Variants in TRAPPC9 observed in about 807,000 individuals in gnomAD.
The protein encoded by TRAPPC9 is IKK2 binding protein.
In TRAPPC9, 83 loss-of-function variants were observed where a neutral mutation model predicts 124.0. The ratio of observed to expected loss-of-function variants is 0.67; its 90% confidence interval spans 0.56 to 0.80. The LOEUF (loss-of-function observed/expected upper bound fraction) is 0.80, where lower values mean the gene tolerates loss of function less well. Among genes scored for constraint, TRAPPC9 ranks in the 30% least tolerant of loss-of-function variants. The pLI is 0.00. For missense variants in TRAPPC9, 1,302 were observed against 1,508.3 expected (o/e 0.86, Z 2.27); for synonymous variants, 638 against 617.5 (o/e 1.03, Z -0.49).
At chr8:139,853,880 A>G (rs921878641) in intron 21 of TRAPPC9, among the ~76,000 whole-genome samples, 23 of 152,348 alleles carry the variant, frequency 1.5e-4, no homozygotes, top group African/African-American at 5.5e-4. Flanking sequence ...TTTTCTAATT[A>G]TTTGCAAATA....
At chr8:139,872,950 T>G (rs1458215964) in intron 21 of TRAPPC9, among the ~76,000 whole-genome samples, 7 of 54,086 alleles carry the variant, frequency 1.3e-4, no homozygotes, top group African/African-American at 1.6e-4. Context: ...GTGGATGGGT[T>G]GGTGGGTAAA....
intron 17 of TRAPPC9, among the ~76,000 whole-genome samples, chr8:140,161,950 G>A (rs1403381815): frequency 6.6e-6 from 1 of 152,148 alleles, no homozygotes; most frequent in Non-Finnish European, 1.5e-5. Flanking sequence ...GCCTCCCGCA[G>A]CCAAGCCCGA....
At chr8:139,740,357 C>T (rs1242217765) in intron 21 of TRAPPC9, among the ~76,000 whole-genome samples, 3 of 152,250 alleles carry the variant, frequency 2.0e-5, no homozygotes, top group Non-Finnish European at 4.4e-5. Flanking sequence ...AAGGCTGTGC[C>T]CGCCAGGGAG....
At chr8:139,746,173 T>G (rs185274834) in intron 21 of TRAPPC9, among the ~76,000 whole-genome samples, 22 of 152,322 alleles carry the variant, frequency 1.4e-4, no homozygotes, top group African/African-American at 5.1e-4. Flanking sequence ...GCCCTGCACA[T>G]CTGCCCCCTC....
chr8:140,371,195 G>GA lies in TRAPPC9; in HGVS notation c.1135-16dup. The GA allele has an allele frequency of 3.1e-6, 5 of 1,598,260 alleles. No homozygotes were observed. The highest frequency in any genetic ancestry group is 3.4e-6 in the Non-Finnish European group (4 of 1,171,762). On this transcript the variant is annotated splice_polypyrimidine_tract_variant and intron_variant, in intron 7 of 22. Coordinates refer to ENST00000438773, the MANE Select transcript of TRAPPC9 (RefSeq NM_001160372.4). ...TCCTCAGAAAGCTGAAGCACAGAGAGAAAGTAAAAAGCTTTTGAAAGAAAC... is the reference window on the plus strand; with the variant it reads ...TCCTCAGAAAGCTGAAGCACAGAGAGAAAAGTAAAAAGCTTTTGAAAGAAAC...
intron 21 of TRAPPC9, among the ~76,000 whole-genome samples, chr8:139,756,263 T>A (rs56004363): frequency 2.2e-3 from 46 of 21,392 alleles, no homozygotes; most frequent in Middle Eastern, 0.024. Flanking sequence ...CAGGTCGCAG[T>A]AGGAGCCAGG....
chr8:139,778,837 G>C (rs192647901), intron 21 of TRAPPC9, among the ~76,000 whole-genome samples: 1 of 152,114 alleles, frequency 6.6e-6, no homozygotes, highest in African/African-American at 2.4e-5. Context: ...AGAGAGTGGA[G>C]GGAGACAGGA....
intron 19 of TRAPPC9, chr8:139,911,376 A>G (rs928175243): frequency 3.3e-5 from 5 of 152,190 alleles, no homozygotes; most frequent in Admixed American, 3.3e-4. Context: ...ATAAAAACAA[A>G]CTAATACAAC....
At chr8:139,766,740 G>C (rs949942683) in intron 21 of TRAPPC9, among the ~76,000 whole-genome samples, 1 of 152,206 alleles carries the variant, frequency 6.6e-6, no homozygotes, top group South Asian at 2.1e-4. Flanking sequence ...ACTGGAGGGA[G>C]ACAACAGATC....
At chr8:139,960,464 TTG>T (rs1835305145) in intron 19 of TRAPPC9, among the ~76,000 whole-genome samples, 1 of 152,140 alleles carries the variant, frequency 6.6e-6, no homozygotes, top group Non-Finnish European at 1.5e-5. Context: ...CCACCCCTCC[TTG>T]GGTTCTCCCG....
At chr8:139,978,631 C>T (rs772061739) in intron 19 of TRAPPC9, among the ~76,000 whole-genome samples, 11 of 152,142 alleles carry the variant, frequency 7.2e-5, no homozygotes, top group South Asian at 2.1e-4. Context: ...GGTCATTATC[C>T]GAAGATGGTG....
intron 17 of TRAPPC9, among the ~76,000 whole-genome samples, chr8:140,108,851 T>C (rs2060713871): frequency 6.6e-6 from 1 of 152,172 alleles, no homozygotes; most frequent in South Asian, 2.1e-4. Flanking sequence ...ATTTGGGGGA[T>C]CTGTGAAGGT....
rs536216691 is a variant in TRAPPC9, at chr8:139,941,177, G to T, written c.2811-30877C>A. 3.9e-5 allele frequency among the ~76,000 whole-genome samples: 6 copies of T among 152,352 alleles called. No individual in the cohort carries two copies. In the East Asian group the frequency reaches 9.7e-4, roughly 25 times the overall value. On this transcript the variant is annotated intron_variant, in intron 19 of 22. Coordinates refer to ENST00000438773, the MANE Select transcript of TRAPPC9 (RefSeq NM_001160372.4). ...GGCACGATTGGCTAGTCTTCAGAGCGGGTGGGCATCCTCCCCGGCCCTCAG... is the reference window on the plus strand; with the variant it reads ...GGCACGATTGGCTAGTCTTCAGAGCTGGTGGGCATCCTCCCCGGCCCTCAG...
chr8:139,855,252 A>G (rs1827729099), intron 21 of TRAPPC9, among the ~76,000 whole-genome samples: 1 of 152,196 alleles, frequency 6.6e-6, no homozygotes, highest in South Asian at 2.1e-4. Flanking sequence ...CAGCAGCTAA[A>G]TATTTGTTTT....
intron 21 of TRAPPC9, among the ~76,000 whole-genome samples, chr8:139,859,890 C>A (rs1166417636): frequency 6.6e-6 from 1 of 152,252 alleles, no homozygotes; most frequent in Non-Finnish European, 1.5e-5. Flanking sequence ...ACAAGTCCAG[C>A]CCCTCTGGGG....
At chr8:140,185,766 C>T (rs1229758692) in intron 17 of TRAPPC9, among the ~76,000 whole-genome samples, 1 of 152,192 alleles carries the variant, frequency 6.6e-6, no homozygotes, top group African/African-American at 2.4e-5. Flanking sequence ...GGCATTATTT[C>T]GCAGCTGATG....
At chr8:140,227,031 T>C (rs957896008) in intron 16 of TRAPPC9, among the ~76,000 whole-genome samples, 7 of 152,024 alleles carry the variant, frequency 4.6e-5, no homozygotes, top group African/African-American at 1.7e-4. Context: ...CAACTAAAGA[T>C]ACAAAACACA....
chr8:140,136,734 A>G (rs1421319584), intron 17 of TRAPPC9, among the ~76,000 whole-genome samples: 1 of 152,166 alleles, frequency 6.6e-6, no homozygotes, highest in African/African-American at 2.4e-5. Context: ...GCAACAGGGG[A>G]GGCTGACGCA....
chr8:140,033,655 GTGGTTTTTTTTTTT>G (rs1840644221), intron 17 of TRAPPC9, among the ~76,000 whole-genome samples: 2 of 55,478 alleles, frequency 3.6e-5, no homozygotes, highest in African/African-American at 8.0e-5. Context: ...TCTTCATAAT[GTGGTTTTTTTTTTT>G]TTTTTTTTTT....
Sources: allele counts gnomAD v4.1 joint callset (sites outside exome capture counted in the v4.1 genomes callset), GRCh38; gene constraint gnomAD v4.1.1; transcripts MANE v1.5; gene names NCBI Gene and HGNC (gene_info 2026-07-23, HGNC 2026-07-21).